PLXNA4: variants seen among roughly 807,000 people sequenced by gnomAD.
The protein encoded by PLXNA4 is plexin-A4.
Under a neutral mutation model 191.8 loss-of-function variants are expected in PLXNA4, and 44 were observed. The observed-to-expected ratio is 0.23, with a 90% CI of 0.18 to 0.29. The LOEUF (loss-of-function observed/expected upper bound fraction) is 0.29. Among genes scored for constraint, PLXNA4 ranks in the 10% least tolerant of loss-of-function variants. PLXNA4 has a pLI of 1.00. For synonymous variants in PLXNA4, 1,082 were observed against 1,009.5 expected, an observed-to-expected ratio of 1.07 and a Z score of -1.36; for missense variants, 1,800 against 2,488.8, an observed-to-expected ratio of 0.72 and a Z score of 5.89.
chr7:132,175,506 C>T (rs1294268229), intron 20 of PLXNA4, among the ~76,000 whole-genome samples: 1 of 152,182 alleles, frequency 6.6e-6, no homozygotes, highest in African/African-American at 2.4e-5. Flanking sequence ...TATAAATAGG[C>T]AAGGTATTTC....
chr7:132,545,177 G>T (rs1441081307), intron 1 of PLXNA4, among the ~76,000 whole-genome samples: 1 of 152,126 alleles, frequency 6.6e-6, no homozygotes, highest in Non-Finnish European at 1.5e-5. Flanking sequence ...CCTATTGTCT[G>T]CCCCAAGAAA....
chr7:132,538,102 G>A (rs1050561777), intron 1 of PLXNA4, among the ~76,000 whole-genome samples: 2 of 152,186 alleles, frequency 1.3e-5, no homozygotes, highest in Non-Finnish European at 2.9e-5. Context: ...TCCCAATGCT[G>A]CCACCCACAT....
chr7:132,348,810 A>G (rs1043816671), intron 3 of PLXNA4, among the ~76,000 whole-genome samples: 6 of 152,198 alleles, frequency 3.9e-5, no homozygotes, highest in African/African-American at 4.8e-5. Flanking sequence ...GCTCAGGCCA[A>G]TGGGAGCCCA....
intron 3 of PLXNA4, among the ~76,000 whole-genome samples, chr7:132,301,109 A>G (rs1172966527): frequency 6.6e-6 from 1 of 152,046 alleles, no homozygotes; most frequent in Non-Finnish European, 1.5e-5. Flanking sequence ...CACCCTCTGC[A>G]CTCTGCCAGC....
rs535992123 is a variant in PLXNA4, at chr7:132,574,443, T to C, written c.-87+1979A>G. ...CCCTCAAGGGGCATGTGGGGAGAAA[T>C]GTTCCATTTCTTCCACAGCCCGGAA... On this transcript the variant is annotated intron_variant, in intron 1 of 31. Transcript: ENST00000321063. 2.9e-3 allele frequency among the ~76,000 whole-genome samples: 437 copies of C among 152,286 alleles called. 6 individuals carry two copies. The South Asian group carries it at 0.031, about 11-fold the overall frequency.
At chr7:132,446,216 G>C (rs1369255401) in intron 3 of PLXNA4, among the ~76,000 whole-genome samples, 2 of 152,202 alleles carry the variant, frequency 1.3e-5, no homozygotes, top group African/African-American at 4.8e-5. Flanking sequence ...TAGACCAGAG[G>C]CTGCACTTCA....
At chr7:132,461,104 C>T (rs1048248080) in intron 3 of PLXNA4, among the ~76,000 whole-genome samples, 2 of 152,134 alleles carry the variant, frequency 1.3e-5, no homozygotes, top group African/African-American at 2.4e-5. Flanking sequence ...TAAACAGCAT[C>T]TCAAAAGCAG....
intron 3 of PLXNA4, among the ~76,000 whole-genome samples, chr7:132,422,110 C>T (rs558626308): frequency 1.3e-5 from 2 of 152,270 alleles, no homozygotes; most frequent in Admixed American, 6.5e-5. Context: ...AGTTGGTTAC[C>T]GAATGGTCTG....
rs200356735 is a variant in PLXNA4, at chr7:132,611,836, C to G, written c.-87+34092G>C. On this transcript the variant is annotated intron_variant, in intron 2 of 4. Coordinates refer to the PLXNA4 transcript ENST00000378539. ...AGATGCAGCTGCATATTATGAGCAA[C>G]TAAAGTAACAGAAGTTTTAACAGGC... Among the ~76,000 whole-genome samples, 3 of 152,120 alleles carry G rather than the reference C, an allele frequency of 2.0e-5. No homozygotes were observed. The East Asian group carries it at 5.8e-4, about 29-fold the overall frequency.
In PLXNA4 at chr7:132,127,711, C is replaced by CAATT. The variant is rs1356364153; in HGVS notation, c.*2764_*2767dup. On this transcript the variant is annotated 3_prime_UTR_variant, in exon 32 of 32. Coordinates refer to ENST00000321063, the MANE Select transcript of PLXNA4 (RefSeq NM_020911.2). The stretch of plus-strand genomic sequence containing the variant: ...AGAGCGGCAGAAACAACCCACCCAC[C>CAATT]AATTAAAGTCAAACCAGCCCCAAAC... 2 of 152,116 alleles carry CAATT rather than the reference C, an allele frequency of 1.3e-5. No individual in the cohort carries two copies. The highest frequency in any genetic ancestry group is 2.9e-5 in the Non-Finnish European group (2 of 68,026). 9.4% of individuals were successfully genotyped at this position (152,116 alleles called of 1,614,324 possible). A position where few individuals can be genotyped will look rare whatever the true frequency, so the allele number is the denominator to read the frequency against.
At chr7:132,498,222 T>C (rs1179207659) in intron 2 of PLXNA4, among the ~76,000 whole-genome samples, 1 of 152,220 alleles carries the variant, frequency 6.6e-6, no homozygotes, top group East Asian at 1.9e-4. Flanking sequence ...TTACTGTTAA[T>C]CTTTTACTGT....
chr7:132,137,833 C>T (rs1004385339), intron 30 of PLXNA4, among the ~76,000 whole-genome samples: 3 of 147,362 alleles, frequency 2.0e-5, no homozygotes, highest in South Asian at 2.2e-4. Context: ...ACAGGCGGGA[C>T]GATGGGTTAG....
chr7:132,247,686 A>G (rs542415972), intron 4 of PLXNA4, among the ~76,000 whole-genome samples: 6 of 152,150 alleles, frequency 3.9e-5, no homozygotes, highest in Non-Finnish European at 8.8e-5. Context: ...TGCCTTTCCA[A>G]GCTTTATTTC....
chr7:132,623,451 A>G (rs968791760), intron 2 of PLXNA4, among the ~76,000 whole-genome samples: 1 of 152,212 alleles, frequency 6.6e-6, no homozygotes, highest in Non-Finnish European at 1.5e-5. Context: ...CAAACAGTCT[A>G]TGCCTCTGGC....
At chr7:132,536,442 AG>A (rs1166905842) in intron 1 of PLXNA4, among the ~76,000 whole-genome samples, 1 of 152,226 alleles carries the variant, frequency 6.6e-6, no homozygotes, top group African/African-American at 2.4e-5. Flanking sequence ...ACTGACACAT[AG>A]AGGTCTCAAC....
chr7:132,490,524 C>T (rs1035347554), intron 2 of PLXNA4, among the ~76,000 whole-genome samples: 1 of 148,046 alleles, frequency 6.8e-6, no homozygotes, highest in Non-Finnish European at 1.5e-5. Flanking sequence ...TTACCAGGCT[C>T]AAGCGATCCT....
chr7:132,464,990 A>G (rs1796644501), intron 3 of PLXNA4, among the ~76,000 whole-genome samples: 1 of 152,204 alleles, frequency 6.6e-6, no homozygotes, highest in Non-Finnish European at 1.5e-5. Context: ...CTTCTCTTCA[A>G]TGGCTGTCAC....
rs1352725099 is a variant in PLXNA4, at chr7:132,563,195, TC to T, written c.-87+13226del. Among the ~76,000 whole-genome samples the T allele has an allele frequency of 2.7e-3, 236 of 87,102 alleles. 1 individual carries two copies. Among genetic ancestry groups the T allele is most frequent in the Non-Finnish European group, 4.5e-3 (196 of 43,398 alleles). The allele number at this position is 87,102 out of a possible 152,430, so 57.1% of individuals were successfully genotyped here. On this transcript the variant is annotated intron_variant, in intron 1 of 31. Coordinates refer to ENST00000321063, the MANE Select transcript of PLXNA4 (RefSeq NM_020911.2). ...TCCTCCTCCTTCTCCTTCCTCCTCC[TC>T]CTCTTCCTCCTCCTCCTCCTCCTTC... is the stretch of plus-strand genomic sequence containing the variant.
intron 1 of PLXNA4, among the ~76,000 whole-genome samples, chr7:132,536,136 T>C (rs1033711258): frequency 1.3e-5 from 2 of 152,230 alleles, no homozygotes; most frequent in Non-Finnish European, 2.9e-5. Flanking sequence ...TAGGACATAC[T>C]GCATTGGGCT....
Sources: allele counts gnomAD v4.1 joint callset (sites outside exome capture counted in the v4.1 genomes callset), GRCh38; gene constraint gnomAD v4.1.1; transcripts MANE v1.5; gene names NCBI Gene and HGNC (gene_info 2026-07-23, HGNC 2026-07-21).